ZFHX4: variants seen among roughly 807,000 people sequenced by gnomAD.
ZFHX4 encodes zinc finger homeobox protein 4.
Under a neutral mutation model 267.6 loss-of-function variants are expected in ZFHX4, and 56 were observed. That is an observed-to-expected ratio of 0.21 (90% CI 0.17 to 0.26). The LOEUF (loss-of-function observed/expected upper bound fraction) is 0.26. ZFHX4 is among the 10% of genes least tolerant of loss of function. The pLI is 1.00. For missense variants in ZFHX4, 4,332 were observed against 4,420.0 expected (o/e 0.98, Z 0.56); for synonymous variants, 1,778 against 1,665.6 (o/e 1.07, Z -1.64).
chr8:76,758,156 A>G (rs1396709401), intron 3 of ZFHX4, among the ~76,000 whole-genome samples: 1 of 152,140 alleles, frequency 6.6e-6, no homozygotes, highest in Non-Finnish European at 1.5e-5. Flanking sequence ...CATGAAAACA[A>G]GTAAATGATG....
At position 76,705,555 on chromosome 8, in the gene ZFHX4, T is replaced by A; in HGVS notation, c.1467T>A (p.Gly489=). Residue 489 remains glycine (G), a synonymous_variant, in exon 2 of 11, where the codon GGT becomes GGA. Coordinates refer to ENST00000651372, the MANE Select transcript of ZFHX4 (RefSeq NM_024721.5). ...SNELDDEEVL[G]ELTDSIGNKD... ...AACTTGATGACGAGGAAGTATTAGG[T>A]GAACTCACCGATAGTATTGGTAACA... 5.0e-6 allele frequency: 8 copies of A among 1,613,644 alleles called. No individual in the cohort carries two copies. The highest frequency in any genetic ancestry group is 6.8e-6 in the Non-Finnish European group (8 of 1,179,730).
chr8:76,864,255 C>A lies in ZFHX4; in HGVS notation c.10541C>A (p.Thr3514Asn), dbSNP rs138516754. ...CAGTCTGCAGCTTCTTCTAATAACA[C>A]CTATCCTCATCTTTCTTGCTTCTCC... ...TSQSAASSNN[T>N]YPHLSCFSMK... is the part of the protein sequence containing the mutation. The change falls in exon 11 of 11, where the codon ACC (threonine) becomes AAC (asparagine). Residue 3514 changes from threonine to asparagine, a missense_variant. This residue lies in a region of ZFHX4 where 1,648 missense variants were observed against 1,625.0 expected (regional missense o/e 1.01). Coordinates refer to ENST00000651372, the MANE Select transcript of ZFHX4 (RefSeq NM_024721.5). 1.2e-6 allele frequency: 2 copies of A among 1,613,808 alleles called. No homozygotes were observed. The highest frequency in any genetic ancestry group is 1.7e-6 in the Non-Finnish European group (2 of 1,179,858).
At chr8:76,796,938 C>T (rs968458860) in intron 4 of ZFHX4, among the ~76,000 whole-genome samples, 3 of 152,104 alleles carry the variant, frequency 2.0e-5, no homozygotes, top group Non-Finnish European at 4.4e-5. Context: ...GCTAAAATGT[C>T]CAAGTATTGG....
chr8:76,788,572 G>T (rs1213041590), intron 4 of ZFHX4, among the ~76,000 whole-genome samples: 1 of 152,180 alleles, frequency 6.6e-6, no homozygotes, highest in East Asian at 1.9e-4. Context: ...GGATTAACAT[G>T]AATCGTTTCT....
chr8:76,810,592 G>A (rs1811351914), intron 4 of ZFHX4, among the ~76,000 whole-genome samples: 1 of 152,170 alleles, frequency 6.6e-6, no homozygotes, highest in African/African-American at 2.4e-5. Context: ...TCTAACTACA[G>A]GTCACGTTAG....
intron 1 of ZFHX4, among the ~76,000 whole-genome samples, chr8:76,698,639 A>T (rs1460034174): frequency 6.6e-6 from 1 of 152,086 alleles, no homozygotes; most frequent in Non-Finnish European, 1.5e-5. Flanking sequence ...ATTTACAGAG[A>T]AGAAAACAAA....
Position 76,852,291 on chromosome 8 carries a change from A to G in ZFHX4, c.5370A>G (p.Gln1790=). ...TTCAAACCCAACATCACGTTGGTCAAACTCAACTCCAGATACTACAGCAAC... is the reference window on the plus strand; with the variant it reads ...TTCAAACCCAACATCACGTTGGTCAGACTCAACTCCAGATACTACAGCAAC... ...QQIQTQHHVG[Q]TQLQILQQQA... is the part of the protein sequence containing the mutation. Residue 1790 remains glutamine (Q), a synonymous_variant, in exon 10 of 11, where the codon CAA becomes CAG. Coordinates refer to ENST00000651372, the MANE Select transcript of ZFHX4 (RefSeq NM_024721.5). 6.4e-7 allele frequency: 1 copy of G among 1,566,816 alleles called. No individual in the cohort carries two copies. Among genetic ancestry groups the G allele is most frequent in the South Asian group, 1.2e-5 (1 of 86,172 alleles).
intron 3 of ZFHX4, among the ~76,000 whole-genome samples, chr8:76,723,221 C>A (rs1161903169): frequency 6.6e-6 from 1 of 151,950 alleles, no homozygotes; most frequent in Non-Finnish European, 1.5e-5. Flanking sequence ...CTGTATCTGG[C>A]ATTACTTTCC....
chr8:76,827,957 A>G (rs1381048733), intron 4 of ZFHX4, among the ~76,000 whole-genome samples: 1 of 152,246 alleles, frequency 6.6e-6, no homozygotes, highest in Non-Finnish European at 1.5e-5. Context: ...AAGAGAAAGC[A>G]CTACAGGTCA....
chr8:76,862,955 C>T, intron 10 of ZFHX4, 139 bp from the exon 11 acceptor site: 1 of 1,255,754 alleles, frequency 8.0e-7, no homozygotes, highest in Non-Finnish European at 1.0e-6. Flanking sequence ...AGGTGGTGAT[C>T]ATGAATTTCC....
At chr8:76,759,075 A>G (rs1431621590) in intron 3 of ZFHX4, among the ~76,000 whole-genome samples, 2 of 152,232 alleles carry the variant, frequency 1.3e-5, no homozygotes, top group Non-Finnish European at 2.9e-5. Context: ...ACATATTTAC[A>G]TTTTGAAAAT....
Position 76,704,484 on chromosome 8 carries a change from T to C in ZFHX4, c.396T>C (p.Val132=). 4.3e-6 allele frequency: 7 copies of C among 1,613,872 alleles called. No individual in the cohort carries two copies. Among genetic ancestry groups the C allele is most frequent in the Non-Finnish European group, 5.9e-6 (7 of 1,179,872 alleles). Residue 132 remains valine, a synonymous_variant, in exon 2 of 11, where the codon GTT becomes GTC. Coordinates refer to ENST00000651372, the MANE Select transcript of ZFHX4 (RefSeq NM_024721.5). ...SDVENLTGEI[V]YQPDGSAYII... ...TGGAAAATCTAACAGGGGAGATCGT[T>C]TACCAGCCTGATGGGTCAGCATATA...
intron 1 of ZFHX4, among the ~76,000 whole-genome samples, chr8:76,684,334 A>C (rs1314960155): frequency 2.0e-5 from 3 of 152,274 alleles, no homozygotes; most frequent in Non-Finnish European, 4.4e-5. Flanking sequence ...ACAAAAATAA[A>C]AGATGGCTAG....
intron 3 of ZFHX4, among the ~76,000 whole-genome samples, chr8:76,751,485 G>A (rs191550742): frequency 4.1e-4 from 63 of 152,248 alleles, no homozygotes; most frequent in Non-Finnish European, 6.9e-4. Context: ...AACAATTGTT[G>A]AATGATCAGA....
At chr8:76,711,888 A>G (rs1315020188) in intron 3 of ZFHX4, among the ~76,000 whole-genome samples, 1 of 152,164 alleles carries the variant, frequency 6.6e-6, no homozygotes, top group Non-Finnish European at 1.5e-5. Flanking sequence ...TGGCCAGCTG[A>G]TTGGTCTAAC....
chr8:76,792,966 C>T (rs2728458), intron 4 of ZFHX4, among the ~76,000 whole-genome samples: 1 of 152,150 alleles, frequency 6.6e-6, no homozygotes, highest in Non-Finnish European at 1.5e-5. Context: ...CTCTCTGGAA[C>T]CACATTGCCG....
chr8:76,816,163 G>A (rs1811501132), intron 4 of ZFHX4, among the ~76,000 whole-genome samples: 1 of 152,126 alleles, frequency 6.6e-6, no homozygotes, highest in Non-Finnish European at 1.5e-5. Flanking sequence ...TGCAACCCAA[G>A]CTTCTGATTC....
chr8:76,824,758 G>A (rs977878654), intron 4 of ZFHX4, among the ~76,000 whole-genome samples: 2 of 151,904 alleles, frequency 1.3e-5, no homozygotes, highest in Non-Finnish European at 2.9e-5. Context: ...ATGTTTTGTA[G>A]AGACAGGGTC....
chr8:76,799,945 A>G (rs548294713), intron 4 of ZFHX4, among the ~76,000 whole-genome samples: 1 of 152,244 alleles, frequency 6.6e-6, no homozygotes, highest in African/African-American at 2.4e-5. Context: ...GCTTTTGAAA[A>G]GAAAGATTAG....
Sources: gnomAD v4.1 joint callset for allele counts (sites outside exome capture counted in the v4.1 genomes callset) on GRCh38, gnomAD v4.1.1 for gene constraint, gnomAD v4.1.1 regional missense constraint, MANE v1.5 for transcripts, NCBI Gene and HGNC (gene_info 2026-07-23, HGNC 2026-07-21) for gene names.